The following TSPAN5 variants were observed in gnomAD, a reference collection of about 807,000 sequenced individuals.
The protein encoded by TSPAN5 is tetraspanin-5.
Under a neutral mutation model 37.1 loss-of-function variants are expected in TSPAN5, and 10 were observed. The observed-to-expected ratio is 0.27, with a 90% CI of 0.17 to 0.46. The LOEUF (loss-of-function observed/expected upper bound fraction) is 0.46. TSPAN5 is among the 20% of genes least tolerant of loss of function. The pLI is 1.00. For synonymous variants in TSPAN5, 110 were observed against 118.9 expected, an observed-to-expected ratio of 0.93 and a Z score of 0.48; for missense variants, 195 against 326.6, an observed-to-expected ratio of 0.60 and a Z score of 3.11.
intron 1 of TSPAN5, among the ~76,000 whole-genome samples, chr4:98,601,682 CT>C (rs1296221353): frequency 6.6e-6 from 1 of 152,182 alleles, no homozygotes; most frequent in Non-Finnish European, 1.5e-5. Context: ...GACTGTTTTG[CT>C]TTCTTATCAT....
At chr4:98,487,715 T>A (rs1753003795) in intron 2 of TSPAN5, among the ~76,000 whole-genome samples, 1 of 152,158 alleles carries the variant, frequency 6.6e-6, no homozygotes, top group Non-Finnish European at 1.5e-5. Flanking sequence ...CCCTTCGAGT[T>A]GAAATTTAAA....
chr4:98,560,675 A>G (rs943681032), intron 1 of TSPAN5, among the ~76,000 whole-genome samples: 2 of 152,220 alleles, frequency 1.3e-5, no homozygotes, highest in African/African-American at 4.8e-5. Context: ...AGATAGAACA[A>G]TGAGCAAAAC....
chr4:98,551,585 G>A lies in TSPAN5; in HGVS notation c.82-43857C>T, dbSNP rs186048363. On this transcript the variant is annotated intron_variant, in intron 1 of 7. Coordinates refer to ENST00000305798, the MANE Select transcript of TSPAN5 (RefSeq NM_005723.4). ...TGGCTCACTGCAACCTCCGCCTCCC[G>A]GGTTCAAGGGATTCTCCTGCCTCAG... 7.7e-3 allele frequency among the ~76,000 whole-genome samples: 1,145 copies of A among 149,478 alleles called. 15 individuals are homozygous for A. The highest frequency in any genetic ancestry group is 0.026 in the African/African-American group (1,060 of 40,246).
intron 2 of TSPAN5, among the ~76,000 whole-genome samples, chr4:98,493,011 T>C (rs1378255197): frequency 6.6e-6 from 1 of 151,876 alleles, no homozygotes; most frequent in Non-Finnish European, 1.5e-5. Context: ...ACCCCATCTC[T>C]AGAAAAAATT....
intron 1 of TSPAN5, among the ~76,000 whole-genome samples, chr4:98,604,350 T>C (rs1345524284): frequency 6.6e-6 from 1 of 152,214 alleles, no homozygotes; most frequent in African/African-American, 2.4e-5. Context: ...CAGAAATGAA[T>C]GCTTTGTAAT....
At chr4:98,545,933 T>C (rs1043837384) in intron 1 of TSPAN5, among the ~76,000 whole-genome samples, 13 of 152,202 alleles carry the variant, frequency 8.5e-5, no homozygotes, top group Non-Finnish European at 1.9e-4. Flanking sequence ...GTATTAATAA[T>C]GTTAATAGCA....
At chr4:98,647,856 T>C (rs1040783039) in intron 1 of TSPAN5, among the ~76,000 whole-genome samples, 3 of 142,042 alleles carry the variant, frequency 2.1e-5, no homozygotes, top group African/African-American at 8.4e-5. Flanking sequence ...TTTTCTGTTT[T>C]GTTTTGTTTA....
At chr4:98,486,693 T>TA (rs1258541562) in intron 3 of TSPAN5, 45 bp downstream of exon 3, 1 of 1,612,452 alleles carries the variant, frequency 6.2e-7, no homozygotes, top group East Asian at 2.2e-5. Flanking sequence ...TGATGGAAGG[T>TA]AAAGTTTTGG....
intron 1 of TSPAN5, among the ~76,000 whole-genome samples, chr4:98,566,413 T>C (rs1358367614): frequency 6.6e-6 from 1 of 152,104 alleles, no homozygotes; most frequent in African/African-American, 2.4e-5. Flanking sequence ...AAAATATCCA[T>C]TAATGAAAAG....
chr4:98,479,910 C>T (rs961350636), intron 4 of TSPAN5, among the ~76,000 whole-genome samples: 1 of 152,136 alleles, frequency 6.6e-6, no homozygotes, highest in African/African-American at 2.4e-5. Context: ...TAAAGAATTA[C>T]TTCATCCCCA....
intron 1 of TSPAN5, among the ~76,000 whole-genome samples, chr4:98,634,637 C>T (rs996728633): frequency 2.6e-5 from 4 of 152,082 alleles, no homozygotes; most frequent in South Asian, 2.1e-4. Context: ...TAATATATAC[C>T]ACCTCCTTTT....
chr4:98,582,297 A>G (rs1305887174), intron 1 of TSPAN5, among the ~76,000 whole-genome samples: 1 of 152,168 alleles, frequency 6.6e-6, no homozygotes, highest in African/African-American at 2.4e-5. Context: ...ACCTGGTGCC[A>G]TCCCCACTGG....
chr4:98,610,318 C>G (rs187087976), intron 1 of TSPAN5, among the ~76,000 whole-genome samples: 1 of 152,266 alleles, frequency 6.6e-6, no homozygotes, highest in African/African-American at 2.4e-5. Context: ...GACCTAAACA[C>G]CTCCCATTAG....
rs554427709 is a variant in TSPAN5 at position 98,496,913 on chromosome 4, C to T, written c.133-10029G>A. On this transcript the variant is annotated intron_variant, in intron 2 of 7. Coordinates refer to ENST00000305798, the MANE Select transcript of TSPAN5 (RefSeq NM_005723.4). ...TAAATGTTCGTGACTCCCCCAAATT[C>T]ACATTCTGATACCCTAAGCCCCCGT... is the stretch of plus-strand genomic sequence containing the variant. Among the ~76,000 whole-genome samples the T allele has an allele frequency of 3.3e-5, 5 of 152,288 alleles. No individual in the cohort carries two copies. The South Asian group carries it at 1.0e-3, about 32-fold the overall frequency.
intron 1 of TSPAN5, among the ~76,000 whole-genome samples, chr4:98,639,191 G>A (rs764220902): frequency 1.9e-4 from 29 of 152,236 alleles, no homozygotes; most frequent in Admixed American, 1.3e-4. Flanking sequence ...CTTGGTCTCA[G>A]CAACTCCTCC....
intron 1 of TSPAN5, among the ~76,000 whole-genome samples, chr4:98,646,323 A>G (rs936941072): frequency 6.6e-6 from 1 of 152,202 alleles, no homozygotes; most frequent in Non-Finnish European, 1.5e-5. Context: ...TGTCTGAAAT[A>G]GAGGAAAAAA....
intron 1 of TSPAN5, among the ~76,000 whole-genome samples, chr4:98,590,451 C>T (rs190862429): frequency 6.6e-6 from 1 of 152,288 alleles, no homozygotes; most frequent in Admixed American, 6.5e-5. Flanking sequence ...TTGCTCACTC[C>T]TGTAATCCCA....
At chr4:98,643,145 T>C (rs1043164539) in intron 1 of TSPAN5, among the ~76,000 whole-genome samples, 2 of 152,208 alleles carry the variant, frequency 1.3e-5, no homozygotes, top group Admixed American at 1.3e-4. Flanking sequence ...GGTGTACCAC[T>C]TTTTTATCTT....
intron 1 of TSPAN5, among the ~76,000 whole-genome samples, chr4:98,552,051 C>G (rs183883675): frequency 1.6e-3 from 243 of 152,062 alleles, no homozygotes; most frequent in African/African-American, 4.6e-3. Flanking sequence ...GTTGTAATGT[C>G]TCCTTTTTCA....
Sources: gnomAD v4.1 joint callset for allele counts (sites outside exome capture counted in the v4.1 genomes callset) on GRCh38, gnomAD v4.1.1 for gene constraint, MANE v1.5 for transcripts, NCBI Gene and HGNC (gene_info 2026-07-23, HGNC 2026-07-21) for gene names.